The following CD200 variants were observed in gnomAD, a reference collection of about 807,000 sequenced individuals.
The protein encoded by CD200 is OX-2 membrane glycoprotein.
In CD200, 15 loss-of-function variants were observed where a neutral mutation model predicts 30.9. The observed-to-expected ratio is 0.49, with a 90% CI of 0.32 to 0.75. The LOEUF (loss-of-function observed/expected upper bound fraction) is 0.75, where lower values mean the gene tolerates loss of function less well. CD200 is among the 30% of genes least tolerant of loss of function. CD200 has a pLI of 0.03. For missense variants in CD200, 262 were observed against 324.2 expected, an observed-to-expected ratio of 0.81 and a Z score of 1.47; for synonymous variants, 134 against 126.2, an observed-to-expected ratio of 1.06 and a Z score of -0.41.
rs140855418 is a variant in CD200 at position 112,346,065 on chromosome 3, G to T, written c.421+777G>T. Among the ~76,000 whole-genome samples, 1,314 of 152,148 alleles carry T rather than the reference G, an allele frequency of 8.6e-3. 17 individuals carry two copies. The highest frequency in any genetic ancestry group is 0.03 in the African/African-American group (1,243 of 41,464). On this transcript the variant is annotated intron_variant, in intron 3 of 5. Transcript: ENST00000315711. ...AGAGTTTACTCATGCCAATAATATTGCCCACAGGGAAGAAAAGGCTTAGTA... is the reference window on the plus strand; with the variant it reads ...AGAGTTTACTCATGCCAATAATATTTCCCACAGGGAAGAAAAGGCTTAGTA...
chr3:112,361,162 G>A (rs2081733142), intron 5 of CD200, among the ~76,000 whole-genome samples: 1 of 151,970 alleles, frequency 6.6e-6, no homozygotes, highest in Admixed American at 6.6e-5. Flanking sequence ...TCAGCCTCCT[G>A]AGTAGCTGGG....
At chr3:112,333,739 C>T (rs1171668240) in intron 1 of CD200, 1 of 985,340 alleles carries the variant, frequency 1.0e-6, no homozygotes, top group African/African-American at 1.7e-5. Flanking sequence ...TATGCAGCCC[C>T]TTTCTCCCTC....
chr3:112,349,542 A>C (rs993663839), intron 4 of CD200, among the ~76,000 whole-genome samples, 170 bp from the exon 5 acceptor site: 8 of 152,216 alleles, frequency 5.3e-5, no homozygotes, highest in African/African-American at 1.9e-4. Context: ...CAGATAAAAC[A>C]TGTTAGCTAT....
At chr3:112,355,738 C>G (rs1422181439) in intron 5 of CD200, among the ~76,000 whole-genome samples, 1 of 152,008 alleles carries the variant, frequency 6.6e-6, no homozygotes, top group African/African-American at 2.4e-5. Context: ...CATTTATAGG[C>G]CCTAATTGAT....
At chr3:112,354,504 T>A (rs1488704041) in intron 5 of CD200, among the ~76,000 whole-genome samples, 1 of 152,204 alleles carries the variant, frequency 6.6e-6, no homozygotes, top group Non-Finnish European at 1.5e-5. Context: ...ACCCATATAA[T>A]AAGCTTGCCT....
chr3:112,336,715 G>A (rs1455429371), intron 1 of CD200, among the ~76,000 whole-genome samples: 1 of 152,110 alleles, frequency 6.6e-6, no homozygotes, highest in Admixed American at 6.5e-5. Context: ...GGATGCCCGT[G>A]ATGGGTTCAT....
Position 112,342,290 on chromosome 3 carries a change from C to G in CD200, c.94+1307C>G. 4.6e-5 allele frequency among the ~76,000 whole-genome samples: 2 copies of G among 43,424 alleles called. 1 individual carries two copies. Among genetic ancestry groups the G allele is most frequent in the Non-Finnish European group, 1.0e-4 (2 of 19,498 alleles). The allele number at this position is 43,424 out of a possible 152,430, so 28.5% of individuals were successfully genotyped here. ...AGAACTGTCCTTCCTTCCTTCCTTC[C>G]TTCCTTCCTTCCTTCCTTTCTTCTT... On this transcript the variant is annotated intron_variant, in intron 2 of 5. Transcript: ENST00000315711.
intron 5 of CD200, among the ~76,000 whole-genome samples, chr3:112,356,747 G>T (rs1186259768): frequency 6.6e-6 from 1 of 152,126 alleles, no homozygotes; most frequent in Non-Finnish European, 1.5e-5. Flanking sequence ...ATATAAAATT[G>T]GTTGTTTTCT....
intron 5 of CD200, among the ~76,000 whole-genome samples, chr3:112,355,143 G>A (rs2081602264): frequency 1.3e-5 from 2 of 152,128 alleles, no homozygotes; most frequent in African/African-American, 4.8e-5. Flanking sequence ...AGAGGGTGTG[G>A]GAGTGACTTA....
intron 1 of CD200, chr3:112,335,996 G>C: frequency 6.2e-7 from 1 of 1,611,774 alleles, no homozygotes; most frequent in Non-Finnish European, 8.5e-7. Flanking sequence ...TCCTAGGAAA[G>C]ACCACCATCA....
chr3:112,361,576 G>T lies in CD200; in HGVS notation c.*26G>T. 2 of 1,601,170 alleles carry T rather than the reference G, an allele frequency of 1.2e-6. No individual in the cohort carries two copies. Among genetic ancestry groups the T allele is most frequent in the South Asian group, 1.1e-5 (1 of 90,814 alleles). On this transcript the variant is annotated 3_prime_UTR_variant, in exon 6 of 6. Transcript: ENST00000315711. ...ATAAGTCACACAGCACCCTGAAAGT[G>T]ATTCCCTGGTCTACTTGAATTTGAC...
chr3:112,350,964 G>T (rs2081519651), intron 5 of CD200, among the ~76,000 whole-genome samples: 2 of 152,118 alleles, frequency 1.3e-5, no homozygotes, highest in African/African-American at 4.8e-5. Context: ...AGTAGGTAAA[G>T]GTATTTGTTC....
chr3:112,338,984 T>G (rs2081180216), intron 1 of CD200, among the ~76,000 whole-genome samples: 1 of 152,226 alleles, frequency 6.6e-6, no homozygotes, highest in South Asian at 2.1e-4. Context: ...TTCTTTATTT[T>G]GAAAATGATG....
At chr3:112,357,271 A>AAAAGAAAG (rs566639470) in intron 5 of CD200, among the ~76,000 whole-genome samples, 2,437 of 139,650 alleles carry the variant, frequency 0.017, 32 homozygotes, top group Middle Eastern at 0.034. Context: ...AAAAAAAAAA[A>AAAAGAAAG]AAAGAAAGAA....
intron 5 of CD200, among the ~76,000 whole-genome samples, chr3:112,358,331 A>G (rs975433961): frequency 7.3e-5 from 11 of 151,696 alleles, no homozygotes; most frequent in African/African-American, 2.7e-4. Context: ...GACCTGCTAT[A>G]TAAGTCATTT....
chr3:112,360,944 TGTAGTCTTAG>T (rs2108479214), intron 5 of CD200, among the ~76,000 whole-genome samples: 1 of 152,352 alleles, frequency 6.6e-6, no homozygotes, highest in African/African-American at 2.4e-5. Context: ...TTCCTTTACT[TGTAGTCTTAG>T]GTGATTTTCT....
intron 5 of CD200, among the ~76,000 whole-genome samples, chr3:112,350,918 C>G (rs2399420): frequency 6.6e-5 from 10 of 152,254 alleles, no homozygotes; most frequent in East Asian, 1.9e-4. Flanking sequence ...TATAAAACAC[C>G]CAAAAAGCCT....
At chr3:112,337,043 G>A (rs977356462) in intron 1 of CD200, among the ~76,000 whole-genome samples, 1 of 151,982 alleles carries the variant, frequency 6.6e-6, no homozygotes, top group Admixed American at 6.6e-5. Context: ...GGGGAGTGGC[G>A]GGGGGTGAGG....
At chr3:112,342,310 C>CCTTCCTTCCTTCCTTCCT (rs2081259013) in intron 2 of CD200, among the ~76,000 whole-genome samples, 2 of 29,940 alleles carry the variant, frequency 6.7e-5, no homozygotes, top group Non-Finnish European at 1.5e-4. Flanking sequence ...TCCTTCCTTT[C>CCTTCCTTCCTTCCTTCCT]TTCTTTCTTT....
Sources: gnomAD v4.1 joint callset for allele counts (sites outside exome capture counted in the v4.1 genomes callset) on GRCh38, gnomAD v4.1.1 for gene constraint, MANE v1.5 for transcripts, NCBI Gene and HGNC (gene_info 2026-07-23, HGNC 2026-07-21) for gene names.